The following PCYOX1 variants were observed in gnomAD, a reference collection of about 807,000 sequenced individuals.
PCYOX1 encodes the protein prenylcysteine lyase.
In PCYOX1, 46 loss-of-function variants were observed where a neutral mutation model predicts 46.4. The observed-to-expected ratio is 0.99, with a 90% CI of 0.78 to 1.27. The LOEUF (loss-of-function observed/expected upper bound fraction) is 1.27, where lower values mean the gene tolerates loss of function less well. Ranked by LOEUF, PCYOX1 falls within the 50% of genes most tolerant of loss-of-function variation. PCYOX1 has a pLI of 0.00. For synonymous variants in PCYOX1, 220 were observed against 231.8 expected (o/e 0.95, Z 0.46); for missense variants, 658 against 628.3 (o/e 1.05, Z -0.51).
intron 3 of PCYOX1, among the ~76,000 whole-genome samples, chr2:70,274,572 T>TC (rs1696644102): frequency 6.7e-6 from 1 of 149,878 alleles, no homozygotes; most frequent in Non-Finnish European, 1.5e-5. Context: ...TTTTTTCTTT[T>TC]TTTTTTTTTA....
At chr2:70,258,486 T>G in intron 1 of PCYOX1, 7 of 206,676 alleles carry the variant, frequency 3.4e-5, no homozygotes, top group South Asian at 9.3e-5. Context: ...CGTGGAGAGG[T>G]GCCCACTTGA....
chr2:70,258,137 G>T lies in PCYOX1; in HGVS notation c.-28G>T. The T allele has an allele frequency of 6.4e-7, 1 of 1,552,740 alleles. No individual in the cohort carries two copies. On this transcript the variant is annotated 5_prime_UTR_variant, in exon 1 of 6. Coordinates refer to ENST00000433351, the MANE Select transcript of PCYOX1 (RefSeq NM_016297.4). ...GCGGTGGGAGGACTGCGGGGCTCTT[G>T]AGGCCAGCTGCAGAGCTTGTGGAGG...
rs368416777 is a variant in PCYOX1, at chr2:70,279,292, AAG to A, written c.*1903_*1904del. ...GGGGATTAAACTCATGGTTTGTCAA[AAG>A]AGTGTTTTTTTCTAGTTTTATTCTT... On this transcript the variant is annotated 3_prime_UTR_variant, in exon 6 of 6. Transcript: ENST00000433351. The A allele has an allele frequency of 7.3e-5, 11 of 150,052 alleles. No homozygotes were observed. In the East Asian group the frequency reaches 1.2e-3, roughly 16 times the overall value. 9.3% of individuals were successfully genotyped at this position (150,052 alleles called of 1,614,324 possible).
intron 3 of PCYOX1, among the ~76,000 whole-genome samples, chr2:70,266,049 A>G (rs1485290745): frequency 6.6e-6 from 1 of 152,154 alleles, no homozygotes; most frequent in African/African-American, 2.4e-5. Flanking sequence ...GTAGCCTCCT[A>G]TTATAGGCTG....
chr2:70,258,366 G>T, intron 1 of PCYOX1, 90 bp downstream of exon 1: 2 of 801,162 alleles, frequency 2.5e-6, no homozygotes, highest in South Asian at 3.8e-5. Flanking sequence ...CCACAGCCGC[G>T]ACGCAGTCCA....
intron 3 of PCYOX1, among the ~76,000 whole-genome samples, chr2:70,268,426 A>G (rs976864309): frequency 1.3e-5 from 2 of 152,156 alleles, no homozygotes; most frequent in African/African-American, 2.4e-5. Context: ...TTGAAACACT[A>G]GCCACCCAGT....
intron 1 of PCYOX1, 190 bp downstream of exon 1, chr2:70,258,466 C>A (rs553076150): frequency 1.2e-5 from 4 of 322,606 alleles, no homozygotes; most frequent in Admixed American, 1.1e-4. Flanking sequence ...TAGGACTGTG[C>A]ATTCCCAGGC....
At chr2:70,268,639 A>G (rs1489501236) in intron 3 of PCYOX1, among the ~76,000 whole-genome samples, 1 of 152,010 alleles carries the variant, frequency 6.6e-6, no homozygotes, top group Non-Finnish European at 1.5e-5. Flanking sequence ...CTCTACTAAA[A>G]ATACAAAAAA....
In PCYOX1 at chr2:70,279,260, ATAGG is replaced by A. The variant is rs1424670688; in HGVS notation, c.*1873_*1876del. Reference sequence around the variant, plus strand: ...TGATAAAACTGCCAAGATATATTTGATAGGTAGGGGATTAAACTCATGGTTTGTC... The same window carrying A: ...TGATAAAACTGCCAAGATATATTTGATAGGGGATTAAACTCATGGTTTGTC... On this transcript the variant is annotated 3_prime_UTR_variant, in exon 6 of 6. Transcript: ENST00000433351. 3 of 152,170 alleles carry A rather than the reference ATAGG, an allele frequency of 2.0e-5. No homozygotes were observed. Among genetic ancestry groups the A allele is most frequent in the South Asian group, 2.1e-4 (1 of 4,832 alleles). The allele number at this position is 152,170 out of a possible 1,614,324, so 9.4% of individuals were successfully genotyped here.
chr2:70,281,138 T>TC lies in PCYOX1; in HGVS notation c.*3746_*3747insC, dbSNP rs2104905291. The TC allele has an allele frequency of 6.6e-6, 1 of 152,382 alleles. No individual in the cohort carries two copies. The highest frequency in any genetic ancestry group is 2.4e-5 in the African/African-American group (1 of 41,568). The allele number at this position is 152,382 out of a possible 1,614,324, so 9.4% of individuals were successfully genotyped here. A position where few individuals can be genotyped will look rare whatever the true frequency, so the allele number is the denominator to read the frequency against. ...TCCTCTTTCTACTCTTGTATTAAAA[T>TC]TTTTCCCCACTTCATGATTATATTC... On this transcript the variant is annotated 3_prime_UTR_variant, in exon 6 of 6. Transcript: ENST00000433351.
At chr2:70,262,119 T>TA (rs1184319789) in intron 3 of PCYOX1, among the ~76,000 whole-genome samples, 18 of 152,210 alleles carry the variant, frequency 1.2e-4, no homozygotes, top group Admixed American at 1.2e-3. Context: ...TTTTGAAAGG[T>TA]ACAATCTGTA....
intron 3 of PCYOX1, among the ~76,000 whole-genome samples, chr2:70,267,543 C>T (rs1696544082): frequency 6.6e-6 from 1 of 152,112 alleles, no homozygotes; most frequent in Non-Finnish European, 1.5e-5. Context: ...ATCCTGGCAC[C>T]TCGGGAGGCC....
In PCYOX1 at chr2:70,277,452, A is replaced by G; in HGVS notation, c.*60A>G. On this transcript the variant is annotated 3_prime_UTR_variant, in exon 6 of 6. Coordinates refer to ENST00000433351, the MANE Select transcript of PCYOX1 (RefSeq NM_016297.4). ...ATGACTATCAGTGGCAAAAAAGAAC[A>G]AAATCTGAGCAGAGATGATTTTGAA... The G allele has an allele frequency of 7.6e-7, 1 of 1,321,084 alleles. No homozygotes were observed. The highest frequency in any genetic ancestry group is 1.4e-5 in the South Asian group (1 of 72,348). 81.8% of individuals were successfully genotyped at this position (1,321,084 alleles called of 1,614,324 possible). A position where few individuals can be genotyped will look rare whatever the true frequency, so the allele number is the denominator to read the frequency against.
intron 2 of PCYOX1, 34 bp downstream of exon 2, chr2:70,259,600 A>G (rs1345047946): frequency 7.0e-7 from 1 of 1,421,544 alleles, no homozygotes; most frequent in East Asian, 2.3e-5. Flanking sequence ...TCACCAGATT[A>G]CTGTGTGACA....
rs1275388532 is a variant in PCYOX1 at position 70,276,861 on chromosome 2, T to C, written c.987T>C (p.Phe329=). The change falls in exon 6 of 6, where the codon TTT becomes TTC. Residue 329 remains phenylalanine (F), a synonymous_variant. Transcript: ENST00000433351. ...TGTCGAATATTACTTTTCTCAACTT[T>C]GATCCTCCAATTGAGGAATTCCATC... The part of the protein sequence containing the change: ...RKMSNITFLN[F]DPPIEEFHQY... 4 of 1,613,512 alleles carry C rather than the reference T, an allele frequency of 2.5e-6. No individual in the cohort carries two copies. The highest frequency in any genetic ancestry group is 3.4e-6 in the Non-Finnish European group (4 of 1,179,572).
chr2:70,268,229 G>A (rs775625730), intron 3 of PCYOX1, among the ~76,000 whole-genome samples: 1 of 152,104 alleles, frequency 6.6e-6, no homozygotes, highest in Non-Finnish European at 1.5e-5. Flanking sequence ...TTGTTCTCAG[G>A]TTAGCAGCCA....
intron 1 of PCYOX1, among the ~76,000 whole-genome samples, chr2:70,258,903 C>G (rs187149207): frequency 6.6e-6 from 1 of 152,338 alleles, no homozygotes; most frequent in African/African-American, 2.4e-5. Context: ...CTCTTTGCTT[C>G]CTGTCTCCCT....
intron 1 of PCYOX1, 55 bp downstream of exon 1, chr2:70,258,331 G>T: frequency 1.6e-6 from 2 of 1,249,844 alleles, no homozygotes; most frequent in South Asian, 1.5e-5. Context: ...CGCGCCGGGC[G>T]GCCGCTGCGC....
At chr2:70,258,105 C>A, upstream of PCYOX1, 1 of 1,374,524 alleles carries the variant, frequency 7.3e-7, no homozygotes, top group East Asian at 2.7e-5. Context: ...GAGCGCGCAG[C>A]CGCGCAGCGG....
Sources: gnomAD v4.1 joint callset for allele counts (sites outside exome capture counted in the v4.1 genomes callset) on GRCh38, gnomAD v4.1.1 for gene constraint, MANE v1.5 for transcripts, NCBI Gene and HGNC (gene_info 2026-07-23, HGNC 2026-07-21) for gene names.